Variants in GMDS observed in about 807,000 individuals in gnomAD.
GMDS encodes the protein GDP-mannose 4,6 dehydratase.
In GMDS, 20 loss-of-function variants were observed where a neutral mutation model predicts 49.9. The ratio of observed to expected loss-of-function variants is 0.40; its 90% CI spans 0.28 to 0.58. The LOEUF (loss-of-function observed/expected upper bound fraction) is 0.58. Ranked by LOEUF, GMDS falls within the 20% of genes least tolerant of loss-of-function variation. The pLI, the probability that GMDS is intolerant of heterozygous loss-of-function variation, is 0.42. For missense variants in GMDS, 362 were observed against 481.4 expected, an observed-to-expected ratio of 0.75 and a Z score of 2.32; for synonymous variants, 177 against 178.6, an observed-to-expected ratio of 0.99 and a Z score of 0.07.
In GMDS at chr6:1,943,764, C is replaced by T. The variant is rs567009805; in HGVS notation, c.644-13534G>A. Among the ~76,000 whole-genome samples the T allele has an allele frequency of 5.3e-5, 8 of 152,288 alleles. No individual in the cohort carries two copies. In the East Asian group the frequency reaches 1.4e-3, roughly 26 times the overall value. On this transcript the variant is annotated intron_variant, in intron 6 of 10. Coordinates refer to ENST00000380815, the MANE Select transcript of GMDS (RefSeq NM_001500.4). ...TAGGCAGCTTGTCTCTCTTCTGACA[C>T]GTATTAGGGTTCTTCTCTGCCTTCA...
intron 7 of GMDS, among the ~76,000 whole-genome samples, chr6:1,817,062 G>C (rs1176894748): frequency 6.7e-6 from 1 of 148,836 alleles, no homozygotes; most frequent in African/African-American, 2.5e-5. Flanking sequence ...GGCATGACTA[G>C]ATAGAAGCTG....
intron 4 of GMDS, among the ~76,000 whole-genome samples, chr6:2,109,833 C>G (rs1055794315): frequency 6.6e-6 from 1 of 152,242 alleles, no homozygotes; most frequent in Non-Finnish European, 1.5e-5. Context: ...TTACTGAATG[C>G]TAACATGCAA....
intron 1 of GMDS, among the ~76,000 whole-genome samples, chr6:2,136,554 T>C: frequency 6.6e-6 from 1 of 152,136 alleles, no homozygotes; most frequent in East Asian, 1.9e-4. Context: ...AGACCCCATC[T>C]CTACAAAAGA....
intron 7 of GMDS, among the ~76,000 whole-genome samples, chr6:1,797,773 C>T (rs966908328): frequency 3.3e-5 from 5 of 152,164 alleles, no homozygotes; most frequent in African/African-American, 1.2e-4. Flanking sequence ...CCAAGGGACA[C>T]CATTCACATA....
chr6:1,983,333 A>G (rs748066452), intron 4 of GMDS, among the ~76,000 whole-genome samples: 5 of 152,190 alleles, frequency 3.3e-5, no homozygotes, highest in Non-Finnish European at 7.3e-5. Flanking sequence ...AGATTTCATG[A>G]CCAAGGCACC....
At chr6:1,882,514 G>T (rs1418313733) in intron 7 of GMDS, among the ~76,000 whole-genome samples, 1 of 152,086 alleles carries the variant, frequency 6.6e-6, no homozygotes, top group Non-Finnish European at 1.5e-5. Context: ...TCCATATTTT[G>T]CAATTAGAAT....
intron 9 of GMDS, among the ~76,000 whole-genome samples, chr6:1,704,661 A>G (rs758805489): frequency 1.5e-4 from 23 of 152,232 alleles, no homozygotes; most frequent in Non-Finnish European, 2.4e-4. Context: ...CACAGTGTCC[A>G]GTGTGTAATA....
At chr6:2,127,185 A>G (rs1775497710) in intron 1 of GMDS, among the ~76,000 whole-genome samples, 1 of 152,202 alleles carries the variant, frequency 6.6e-6, no homozygotes, top group Non-Finnish European at 1.5e-5. Context: ...ATTATAGGAT[A>G]ATCAATATCC....
At chr6:2,210,004 T>C (rs1779994211) in intron 1 of GMDS, among the ~76,000 whole-genome samples, 1 of 152,230 alleles carries the variant, frequency 6.6e-6, no homozygotes, top group South Asian at 2.1e-4. Context: ...TTCTGTTGTA[T>C]GTAATTAGTG....
At chr6:1,639,054 C>T (rs972616615) in intron 9 of GMDS, among the ~76,000 whole-genome samples, 4 of 152,154 alleles carry the variant, frequency 2.6e-5, no homozygotes, top group Non-Finnish European at 5.9e-5. Context: ...TGGTGATCTC[C>T]GACAGGTACC....
At chr6:1,865,041 G>A (rs568889964) in intron 7 of GMDS, among the ~76,000 whole-genome samples, 138 of 152,240 alleles carry the variant, frequency 9.1e-4, no homozygotes, top group African/African-American at 3.2e-3. Context: ...GCTTAGAAAC[G>A]CCATCATCTG....
chr6:1,773,976 A>T (rs987472813), intron 7 of GMDS, among the ~76,000 whole-genome samples: 2 of 152,230 alleles, frequency 1.3e-5, no homozygotes, highest in African/African-American at 2.4e-5. Context: ...TTTGAGTAGT[A>T]GCTTTAATTT....
chr6:2,180,391 A>C (rs1016598908), intron 1 of GMDS, among the ~76,000 whole-genome samples: 1 of 152,234 alleles, frequency 6.6e-6, no homozygotes, highest in African/African-American at 2.4e-5. Flanking sequence ...CCAGTGTGGT[A>C]ATTCCAAGTT....
At chr6:2,102,319 C>A (rs1459693253) in intron 4 of GMDS, among the ~76,000 whole-genome samples, 3 of 152,016 alleles carry the variant, frequency 2.0e-5, no homozygotes, top group African/African-American at 7.2e-5. Context: ...TTTAATTATT[C>A]ATGCAAAATA....
chr6:1,833,581 T>C lies in GMDS; in HGVS notation c.772-90995A>G, dbSNP rs1032020783. 6.6e-6 allele frequency among the ~76,000 whole-genome samples: 1 copy of C among 152,172 alleles called. No homozygotes were observed. The highest frequency in any genetic ancestry group is 1.5e-5 in the Non-Finnish European group (1 of 68,034). ...AACATAACACAAGGTAATTAAATTG[T>C]AAATTACTTGAGAGAGAAATGTTTA... is the stretch of plus-strand genomic sequence containing the variant. On this transcript the variant is annotated intron_variant, in intron 7 of 10. Coordinates refer to ENST00000380815, the MANE Select transcript of GMDS (RefSeq NM_001500.4). This position sits in a 1 kb window ranked among gnomAD's most constrained non-coding sequence, Gnocchi z 4.4.
chr6:1,738,369 T>G (rs536158827), intron 8 of GMDS, among the ~76,000 whole-genome samples: 12 of 152,336 alleles, frequency 7.9e-5, no homozygotes, highest in African/African-American at 2.9e-4. Flanking sequence ...AAACTCAAAT[T>G]AATGTGCTAT....
chr6:2,195,640 T>TCCCAG (rs1779244774), intron 1 of GMDS, among the ~76,000 whole-genome samples: 1 of 152,130 alleles, frequency 6.6e-6, no homozygotes, highest in East Asian at 1.9e-4. Flanking sequence ...GTATTATGTG[T>TCCCAG]CCTTCTTTTT....
At chr6:1,802,903 A>C (rs1270639299) in intron 7 of GMDS, among the ~76,000 whole-genome samples, 1 of 152,220 alleles carries the variant, frequency 6.6e-6, no homozygotes, top group East Asian at 1.9e-4. Flanking sequence ...CTTGTGCTCC[A>C]GCTGGCTCAA....
intron 6 of GMDS, among the ~76,000 whole-genome samples, chr6:1,940,359 A>C (rs1297350929): frequency 1.3e-5 from 2 of 152,266 alleles, no homozygotes; most frequent in Non-Finnish European, 2.9e-5. Context: ...GACAATATTC[A>C]TTGGAAAACA....
Sources: allele counts gnomAD v4.1 joint callset (sites outside exome capture counted in the v4.1 genomes callset), GRCh38; gene constraint gnomAD v4.1.1; non-coding constraint Gnocchi (gnomAD v3.1); transcripts MANE v1.5; gene names NCBI Gene and HGNC (gene_info 2026-07-23, HGNC 2026-07-21).